Variants in ZKSCAN1 observed in about 807,000 individuals in gnomAD.
ZKSCAN1 encodes the protein zinc finger protein with KRAB and SCAN domains 1.
Under a neutral mutation model 51.6 loss-of-function variants are expected in ZKSCAN1, and 14 were observed. The observed-to-expected ratio is 0.27, with a 90% confidence interval of 0.18 to 0.42. The LOEUF is 0.42. Among genes scored for constraint, ZKSCAN1 ranks in the 10% least tolerant of loss-of-function variants. ZKSCAN1 has a pLI of 1.00. For synonymous variants in ZKSCAN1, 263 were observed against 261.5 expected, an observed-to-expected ratio of 1.01 and a Z score of -0.06; for missense variants, 531 against 710.0, an observed-to-expected ratio of 0.75 and a Z score of 2.86.
At chr7:100,045,189 T>C (rs561134972), downstream of ZKSCAN1, among the ~76,000 whole-genome samples, 1 of 152,026 alleles carries the variant, frequency 6.6e-6, no homozygotes, top group Admixed American at 6.6e-5. Flanking sequence ...GGAGGATTGC[T>C]TGAGCACAGG....
At chr7:100,042,999 A>G (rs1167929109), downstream of ZKSCAN1, among the ~76,000 whole-genome samples, 4 of 151,842 alleles carry the variant, frequency 2.6e-5, no homozygotes, top group African/African-American at 9.7e-5. Flanking sequence ...ACGGGGTTTC[A>G]TAGTGTTAGC....
rs540701687 is a variant in ZKSCAN1, at chr7:100,033,143, G to C, written c.800-162G>C. Among the ~76,000 whole-genome samples, 30 of 152,202 alleles carry C rather than the reference G, an allele frequency of 2.0e-4. No individual in the cohort carries two copies. The highest frequency in any genetic ancestry group is 1.5e-4 in the Non-Finnish European group (10 of 68,034). On this transcript the variant is annotated intron_variant, in intron 5 of 5. Coordinates refer to ENST00000324306, the MANE Select transcript of ZKSCAN1 (RefSeq NM_003439.4). This position sits in a 1 kb window ranked among gnomAD's most constrained non-coding sequence, Gnocchi z 4.1. Reference sequence around the variant, plus strand: ...ACTGAGATCACGTCACTGCACTCCAGCCTGGGCGACAGAGCGAGACTCTGT... The same window carrying C: ...ACTGAGATCACGTCACTGCACTCCACCCTGGGCGACAGAGCGAGACTCTGT...
At chr7:100,031,380 C>T (rs556366092) in intron 5 of ZKSCAN1, among the ~76,000 whole-genome samples, 1 of 146,932 alleles carries the variant, frequency 6.8e-6, no homozygotes, top group East Asian at 2.1e-4. Flanking sequence ...CAGGCTCAAG[C>T]AATCCTCCCA....
rs775394502 is a variant in ZKSCAN1, at chr7:100,034,058, A to G, written c.1553A>G (p.Lys518Arg). 1.1e-5 allele frequency: 18 copies of G among 1,613,972 alleles called. No homozygotes were observed. Among genetic ancestry groups the G allele is most frequent in the Non-Finnish European group, 1.3e-5 (15 of 1,180,028 alleles). Residue 518 changes from lysine (K) to arginine (R), a missense_variant, in exon 6 of 6, where the codon AAG becomes AGG. Lys to Arg is a conservative substitution (Grantham distance 26). Transcript: ENST00000324306. ...RRIHTREKPY[K>R]CTKCGKAFTR... ...ATTCACACTCGAGAAAAGCCCTACA[A>G]GTGCACTAAGTGTGGCAAGGCCTTC...
chr7:100,037,418 C>G lies in ZKSCAN1; in HGVS notation c.*3221C>G. 2 of 985,374 alleles carry G rather than the reference C, an allele frequency of 2.0e-6. No homozygotes were observed. The highest frequency in any genetic ancestry group is 2.4e-6 in the Non-Finnish European group (2 of 829,922). 61.0% of individuals were successfully genotyped at this position (985,374 alleles called of 1,614,324 possible). On this transcript the variant is annotated 3_prime_UTR_variant, in exon 6 of 6. Coordinates refer to ENST00000324306, the MANE Select transcript of ZKSCAN1 (RefSeq NM_003439.4). ...ATGAGACATCTTGATATGTAAAGCA[C>G]TTAATATTAAAGGCATAAAAGTGAA...
chr7:100,044,341 G>A (rs1018398166), downstream of ZKSCAN1, among the ~76,000 whole-genome samples: 3 of 151,984 alleles, frequency 2.0e-5, no homozygotes, highest in Admixed American at 2.0e-4. Context: ...TATTAGGATG[G>A]TCCTGAATAA....
intron 1 of ZKSCAN1, among the ~76,000 whole-genome samples, chr7:100,018,266 A>G (rs927257209): frequency 6.6e-6 from 1 of 152,240 alleles, no homozygotes; most frequent in East Asian, 1.9e-4. Context: ...AACGTTGTCA[A>G]TTCAGTCAAG....
chr7:100,043,599 C>T (rs1791650888), downstream of ZKSCAN1, among the ~76,000 whole-genome samples: 1 of 151,058 alleles, frequency 6.6e-6, no homozygotes, highest in African/African-American at 2.4e-5. Flanking sequence ...GTCTCAAATT[C>T]CTGGGCCTCA....
chr7:100,025,071 A>G (rs973775065), intron 3 of ZKSCAN1: 3 of 151,938 alleles, frequency 2.0e-5, no homozygotes, highest in Non-Finnish European at 4.4e-5. Context: ...ACGAAGGCAA[A>G]TGAACTATGC....
chr7:100,034,318 A>C lies in ZKSCAN1; in HGVS notation c.*121A>C. On this transcript the variant is annotated 3_prime_UTR_variant, in exon 6 of 6. Transcript: ENST00000324306. ...AGATTAAAAAACAAAAGTCACACTT[A>C]AGGATCCTTCTAGTCACATCAGCAG... The C allele has an allele frequency of 4.7e-6, 7 of 1,477,708 alleles. No individual in the cohort carries two copies. The highest frequency in any genetic ancestry group is 5.3e-6 in the Non-Finnish European group (6 of 1,124,908). The allele number at this position is 1,477,708 out of a possible 1,614,324, so 91.5% of individuals were successfully genotyped here.
intron 4 of ZKSCAN1, 28 bp downstream of exon 4, chr7:100,029,980 AGTCCTCAGTGTCTGC>A (rs764400728): frequency 1.7e-5 from 28 of 1,608,396 alleles, no homozygotes; most frequent in East Asian, 1.1e-4. Context: ...TGCTCTCCTG[AGTCCTCAGTGTCTGC>A]CTCTGTTCCT....
downstream of ZKSCAN1, among the ~76,000 whole-genome samples, chr7:100,043,771 A>ATTTTTTT (rs772298225): frequency 1.7e-5 from 1 of 58,920 alleles, no homozygotes; most frequent in Non-Finnish European, 3.0e-5. Context: ...TTCTTTCTTG[A>ATTTTTTT]TTTTTTTTTT....
Position 100,037,917 on chromosome 7 carries a change from G to A in ZKSCAN1, c.*3720G>A. Reference sequence around the variant, plus strand: ...CGCCTGTAGTCCCAGCTACTCGGGAGGCTGAGGCAGGAGAATGGCTTGAAC... The same window carrying A: ...CGCCTGTAGTCCCAGCTACTCGGGAAGCTGAGGCAGGAGAATGGCTTGAAC... On this transcript the variant is annotated 3_prime_UTR_variant, in exon 6 of 6. Transcript: ENST00000324306. 1 of 757,232 alleles carries A rather than the reference G, an allele frequency of 1.3e-6. No individual in the cohort carries two copies. Among genetic ancestry groups the A allele is most frequent in the Non-Finnish European group, 1.6e-6 (1 of 622,182 alleles). 46.9% of individuals were successfully genotyped at this position (757,232 alleles called of 1,614,324 possible).
intron 3 of ZKSCAN1, 119 bp downstream of exon 3, chr7:100,024,426 T>G (rs1784732087): frequency 7.6e-7 from 1 of 1,308,306 alleles, no homozygotes; most frequent in African/African-American, 1.5e-5. Context: ...AGACCCCATC[T>G]CTACAAAAAA....
chr7:100,037,811 T>C lies in ZKSCAN1; in HGVS notation c.*3614T>C. The C allele has an allele frequency of 1.2e-6, 1 of 813,016 alleles. No individual in the cohort carries two copies. The highest frequency in any genetic ancestry group is 6.4e-4 in the Middle Eastern group (1 of 1,560). 50.4% of individuals were successfully genotyped at this position (813,016 alleles called of 1,614,324 possible). On this transcript the variant is annotated 3_prime_UTR_variant, in exon 6 of 6. Coordinates refer to ENST00000324306, the MANE Select transcript of ZKSCAN1 (RefSeq NM_003439.4). ...GGCAGGCGGATCACGAGGTCAGTAGTTCGAGACCAGCCTGGCCAACATGGT... is the reference window on the plus strand; with the variant it reads ...GGCAGGCGGATCACGAGGTCAGTAGCTCGAGACCAGCCTGGCCAACATGGT...
Position 100,041,158 on chromosome 7 carries a change from GTT to G in ZKSCAN1, c.*6964_*6965del. The G allele has an allele frequency of 1.4e-6, 1 of 732,842 alleles. No individual in the cohort carries two copies. Among genetic ancestry groups the G allele is most frequent in the South Asian group, 6.2e-5 (1 of 16,232 alleles). 45.4% of individuals were successfully genotyped at this position (732,842 alleles called of 1,614,324 possible). ...GACTGGATTAAAAACAACCTGTCCT[GTT>G]TTGTCAGTTCCCAGCTTCTTCGTTT... On this transcript the variant is annotated 3_prime_UTR_variant, in exon 6 of 6. Transcript: ENST00000324306.
intron 2 of ZKSCAN1, 39 bp downstream of exon 2, chr7:100,023,971 C>T: frequency 6.5e-7 from 1 of 1,533,442 alleles, no homozygotes; most frequent in Non-Finnish European, 8.7e-7. Context: ...GAGCAGGGCA[C>T]AGACGTTGAA....
chr7:100,036,072 A>G lies in ZKSCAN1; in HGVS notation c.*1875A>G, dbSNP rs1791350279. The G allele has an allele frequency of 2.0e-6, 2 of 985,462 alleles. No individual in the cohort carries two copies. The highest frequency in any genetic ancestry group is 4.7e-5 in the South Asian group (1 of 21,286). 61.0% of individuals were successfully genotyped at this position (985,462 alleles called of 1,614,324 possible). ...ATCAGTCATTCACTGATCAGCAGCT[A>G]AAGTCCATGAGACCAAATGGTTTTA... On this transcript the variant is annotated 3_prime_UTR_variant, in exon 6 of 6. Transcript: ENST00000324306.
At position 100,040,849 on chromosome 7, in the gene ZKSCAN1, T is replaced by C; in HGVS notation, c.*6652T>C. On this transcript the variant is annotated 3_prime_UTR_variant, in exon 6 of 6. Coordinates refer to ENST00000324306, the MANE Select transcript of ZKSCAN1 (RefSeq NM_003439.4). ...CTGCCCTAGCAAGGACAAAGCATGT[T>C]AGATTAGAGATGCTTCTGCTGATCG... is the stretch of plus-strand genomic sequence containing the variant. 1.0e-6 allele frequency: 1 copy of C among 985,372 alleles called. No homozygotes were observed. The highest frequency in any genetic ancestry group is 1.2e-6 in the Non-Finnish European group (1 of 829,914). The allele number at this position is 985,372 out of a possible 1,614,324, so 61.0% of individuals were successfully genotyped here.
Sources: gnomAD v4.1 joint callset for allele counts (sites outside exome capture counted in the v4.1 genomes callset) on GRCh38, gnomAD v4.1.1 for gene constraint, Gnocchi (gnomAD v3.1) non-coding constraint, MANE v1.5 for transcripts, NCBI Gene and HGNC (gene_info 2026-07-23, HGNC 2026-07-21) for gene names.